LRMDA: variants seen among roughly 807,000 people sequenced by gnomAD.
The protein encoded by LRMDA is leucine-rich melanocyte differentiation-associated protein.
A neutral mutation model predicts 29.8 loss-of-function variants in LRMDA; 18 were observed. The ratio of observed to expected loss-of-function variants is 0.60; its 90% confidence interval spans 0.42 to 0.90. LRMDA has a LOEUF of 0.90. Among genes scored for constraint, LRMDA ranks in the 40% least tolerant of loss-of-function variants. The pLI, the probability that LRMDA is intolerant of heterozygous loss-of-function variation, is 0.00. For synonymous variants in LRMDA, 125 were observed against 109.4 expected (o/e 1.14, Z -0.89); for missense variants, 273 against 273.9 (o/e 1.00, Z 0.02).
intron 2 of LRMDA, among the ~76,000 whole-genome samples, chr10:75,905,236 C>CTTTT (rs200409197): frequency 7.5e-6 from 1 of 132,996 alleles, no homozygotes; most frequent in Non-Finnish European, 1.6e-5. Context: ...TCTCCTGCCT[C>CTTTT]TTTTTTTTTT....
chr10:76,528,133 A>G (rs1178070561), intron 6 of LRMDA, among the ~76,000 whole-genome samples: 1 of 152,174 alleles, frequency 6.6e-6, no homozygotes, highest in Non-Finnish European at 1.5e-5. Flanking sequence ...GGCCCTGTGC[A>G]TTGAGGCTAG....
At chr10:75,582,264 A>G (rs1840603425) in intron 2 of LRMDA, among the ~76,000 whole-genome samples, 1 of 152,216 alleles carries the variant, frequency 6.6e-6, no homozygotes. Context: ...GAGGTTCTCC[A>G]TGAGGGCTCC....
At chr10:75,583,235 G>C (rs553953311) in intron 2 of LRMDA, among the ~76,000 whole-genome samples, 1 of 152,140 alleles carries the variant, frequency 6.6e-6, no homozygotes, top group East Asian at 1.9e-4. Context: ...CCAATTTTCT[G>C]TATTGGTCCA....
At chr10:75,908,236 A>G (rs1466629566) in intron 2 of LRMDA, among the ~76,000 whole-genome samples, 2 of 152,218 alleles carry the variant, frequency 1.3e-5, no homozygotes, top group African/African-American at 4.8e-5. Context: ...GTCCAAAGTC[A>G]CTGATGCAGA....
chr10:75,677,946 A>G (rs894638736), intron 2 of LRMDA, among the ~76,000 whole-genome samples: 1 of 152,160 alleles, frequency 6.6e-6, no homozygotes, highest in African/African-American at 2.4e-5. Flanking sequence ...GCTTAATTGG[A>G]TGGTAAAGAT....
intron 2 of LRMDA, among the ~76,000 whole-genome samples, chr10:75,857,329 A>C (rs1437714227): frequency 2.6e-5 from 4 of 152,190 alleles, no homozygotes; most frequent in Non-Finnish European, 5.9e-5. Flanking sequence ...TGATGCAGGC[A>C]GTTCAGTCAG....
chr10:75,710,610 C>T (rs908717624), intron 2 of LRMDA, among the ~76,000 whole-genome samples: 4 of 152,230 alleles, frequency 2.6e-5, no homozygotes, highest in African/African-American at 7.2e-5. Context: ...TTTTTCCCCC[C>T]GCTTCCCCTG....
At chr10:75,846,791 G>A (rs1240447125) in intron 2 of LRMDA, among the ~76,000 whole-genome samples, 1 of 151,912 alleles carries the variant, frequency 6.6e-6, no homozygotes, top group Non-Finnish European at 1.5e-5. Context: ...GAATACTTAG[G>A]AATAAACTTA....
At chr10:75,728,349 G>A (rs925469212) in intron 2 of LRMDA, among the ~76,000 whole-genome samples, 4 of 151,918 alleles carry the variant, frequency 2.6e-5, no homozygotes, top group Admixed American at 6.6e-5. Context: ...AAAACCTTAC[G>A]AAATGGGCTG....
At chr10:75,771,417 G>A (rs918727218) in intron 2 of LRMDA, among the ~76,000 whole-genome samples, 4 of 152,250 alleles carry the variant, frequency 2.6e-5, no homozygotes, top group East Asian at 1.9e-4. Flanking sequence ...GCTGAGGCGC[G>A]TGAATCAGAA....
intron 6 of LRMDA, among the ~76,000 whole-genome samples, chr10:76,404,803 G>A (rs943907463): frequency 6.6e-6 from 1 of 152,172 alleles, no homozygotes; most frequent in African/African-American, 2.4e-5. Context: ...GAGATGGAGA[G>A]ATTATCCTGG....
intron 2 of LRMDA, among the ~76,000 whole-genome samples, chr10:75,692,573 G>C (rs1842183578): frequency 1.4e-5 from 1 of 73,010 alleles, no homozygotes; most frequent in African/African-American, 3.1e-4. Flanking sequence ...ACGTGTGTGT[G>C]TGTGTGTGTG....
chr10:76,223,822 C>G (rs1366475403), intron 5 of LRMDA, among the ~76,000 whole-genome samples: 1 of 152,160 alleles, frequency 6.6e-6, no homozygotes, highest in Non-Finnish European at 1.5e-5. Flanking sequence ...GACAGCATCT[C>G]TTCGTGGTCT....
At chr10:75,647,744 C>T (rs894923892) in intron 2 of LRMDA, among the ~76,000 whole-genome samples, 2 of 152,044 alleles carry the variant, frequency 1.3e-5, no homozygotes, top group Non-Finnish European at 2.9e-5. Context: ...CTCATGGAAC[C>T]GAAAATCAAA....
intron 2 of LRMDA, among the ~76,000 whole-genome samples, chr10:76,024,208 A>G (rs549141138): frequency 1.3e-5 from 2 of 152,338 alleles, no homozygotes; most frequent in African/African-American, 4.8e-5. Flanking sequence ...TCCTGCTGCC[A>G]TGAGCAGCAG....
At chr10:76,209,086 A>G (rs1430331988) in intron 5 of LRMDA, among the ~76,000 whole-genome samples, 1 of 152,064 alleles carries the variant, frequency 6.6e-6, no homozygotes, top group Non-Finnish European at 1.5e-5. Flanking sequence ...CCCAGGAGGC[A>G]GAGGCTACAG....
intron 2 of LRMDA, among the ~76,000 whole-genome samples, chr10:76,032,956 TA>T (rs1236244978): frequency 1.3e-5 from 2 of 151,928 alleles, no homozygotes; most frequent in Non-Finnish European, 2.9e-5. Flanking sequence ...TCATTTTATT[TA>T]ACAGCACATA....
intron 2 of LRMDA, among the ~76,000 whole-genome samples, chr10:75,748,696 T>A (rs1589185349): frequency 6.6e-6 from 1 of 152,142 alleles, no homozygotes; most frequent in East Asian, 1.9e-4. Flanking sequence ...GTGCATCCCA[T>A]TCGTGAATTG....
chr10:76,462,077 C>A (rs141604687), intron 6 of LRMDA, among the ~76,000 whole-genome samples: 17 of 122,586 alleles, frequency 1.4e-4, no homozygotes, highest in East Asian at 4.8e-4. Flanking sequence ...AAAAAAAAAA[C>A]CACACACACA....
Sources: allele counts gnomAD v4.1 joint callset (sites outside exome capture counted in the v4.1 genomes callset), GRCh38; gene constraint gnomAD v4.1.1; transcripts MANE v1.5; gene names NCBI Gene and HGNC (gene_info 2026-07-23, HGNC 2026-07-21).